PRKN: variants seen among roughly 807,000 people sequenced by gnomAD.
PRKN encodes the protein E3 ubiquitin-protein ligase parkin.
In PRKN, 56 loss-of-function variants were observed where a neutral mutation model predicts 59.5. The observed-to-expected ratio is 0.94, with a 90% CI of 0.76 to 1.18. PRKN has a LOEUF of 1.18. Ranked by LOEUF, PRKN falls within the 50% of genes most tolerant of loss-of-function variation. The probability of loss-of-function intolerance (pLI) is 0.00; values close to 1 mark genes in which losing one functional copy is unlikely to be tolerated. For synonymous variants in PRKN, 250 were observed against 222.1 expected, an observed-to-expected ratio of 1.13 and a Z score of -1.12; for missense variants, 657 against 596.4, an observed-to-expected ratio of 1.10 and a Z score of -1.06.
At chr6:162,481,756 A>T (rs59528012) in intron 1 of PRKN, among the ~76,000 whole-genome samples, 12,054 of 152,220 alleles carry the variant, frequency 0.079, 1,405 homozygotes, top group African/African-American at 0.26. Flanking sequence ...GCACTACCTT[A>T]AAAGTCAAAG....
rs1554245468 is a variant in PRKN at position 161,902,561 on chromosome 6, TTTA to T, written c.734+70738_734+70740del. ...ATCTATCTATCTATTTATTTATTTA[TTTA>T]TTTTTTTTTTTTTGCGACAGAGTCT... On this transcript the variant is annotated intron_variant, in intron 6 of 11. Transcript: ENST00000366898. 1.6e-3 allele frequency among the ~76,000 whole-genome samples: 201 copies of T among 127,990 alleles called. 1 individual carries two copies. The highest frequency in any genetic ancestry group is 8.4e-3 in the East Asian group (37 of 4,414). 84.0% of individuals were successfully genotyped at this position (127,990 alleles called of 152,430 possible).
At chr6:162,492,852 C>T (rs1792880057) in intron 1 of PRKN, among the ~76,000 whole-genome samples, 1 of 150,440 alleles carries the variant, frequency 6.6e-6, no homozygotes, top group Non-Finnish European at 1.5e-5. Context: ...ACCCAGGAGG[C>T]TAAGGCAGGA....
At chr6:162,089,805 C>G (rs181121337) in intron 4 of PRKN, among the ~76,000 whole-genome samples, 5 of 152,242 alleles carry the variant, frequency 3.3e-5, no homozygotes, top group Admixed American at 3.3e-4. Flanking sequence ...TTACATGTTT[C>G]CATTTAAATA....
At chr6:162,215,421 C>A in intron 3 of PRKN, among the ~76,000 whole-genome samples, 1 of 152,158 alleles carries the variant, frequency 6.6e-6, no homozygotes, top group East Asian at 1.9e-4. Context: ...GAGGAATGTT[C>A]TTCCAGGCCC....
intron 9 of PRKN, among the ~76,000 whole-genome samples, chr6:161,392,159 G>T (rs560037987): frequency 2.0e-5 from 3 of 151,838 alleles, no homozygotes; most frequent in Admixed American, 6.6e-5. Context: ...AGCTGGTCTC[G>T]AACCCTGACC....
At chr6:162,629,310 A>G (rs1783013205) in intron 1 of PRKN, among the ~76,000 whole-genome samples, 2 of 152,170 alleles carry the variant, frequency 1.3e-5, no homozygotes, top group African/African-American at 2.4e-5. Flanking sequence ...TAACTAATAC[A>G]TAATGCTTGA....
intron 7 of PRKN, among the ~76,000 whole-genome samples, chr6:161,687,748 G>A (rs1243181559): frequency 3.3e-5 from 5 of 151,968 alleles, no homozygotes; most frequent in African/African-American, 4.8e-5. Flanking sequence ...GAGCCACCGC[G>A]CCGGGCCAAG....
At chr6:161,630,945 C>A (rs1212778909) in intron 7 of PRKN, among the ~76,000 whole-genome samples, 2 of 152,206 alleles carry the variant, frequency 1.3e-5, no homozygotes, top group Non-Finnish European at 2.9e-5. Flanking sequence ...AGGATACAGA[C>A]AAAAACAATC....
chr6:161,704,344 G>A (rs1478050614), intron 7 of PRKN, among the ~76,000 whole-genome samples: 1 of 152,008 alleles, frequency 6.6e-6, no homozygotes, highest in Non-Finnish European at 1.5e-5. Flanking sequence ...TTGGTCATCC[G>A]CTCAGCTAAC....
At chr6:162,696,673 A>G (rs1777982619) in intron 1 of PRKN, among the ~76,000 whole-genome samples, 1 of 148,604 alleles carries the variant, frequency 6.7e-6, no homozygotes, top group Admixed American at 6.9e-5. Context: ...CCTCCCAAGC[A>G]GCAGGGACTA....
intron 9 of PRKN, among the ~76,000 whole-genome samples, chr6:161,521,178 G>A (rs1054713462): frequency 6.6e-6 from 1 of 151,434 alleles, no homozygotes; most frequent in East Asian, 1.9e-4. Flanking sequence ...GGTTGATGAA[G>A]CAGGAGACTT....
intron 6 of PRKN, among the ~76,000 whole-genome samples, chr6:161,791,015 G>A (rs1790615892): frequency 6.6e-6 from 1 of 152,072 alleles, no homozygotes; most frequent in African/African-American, 2.4e-5. Context: ...ATCCTCTCAT[G>A]GGTCTTTTGT....
intron 10 of PRKN, among the ~76,000 whole-genome samples, chr6:161,368,107 C>A (rs1349161687): frequency 6.6e-6 from 1 of 151,442 alleles, no homozygotes; most frequent in African/African-American, 2.4e-5. Flanking sequence ...TGGAAGTCCC[C>A]GGGGACTTTT....
Position 161,379,271 on chromosome 6 carries a change from C to T in PRKN, c.1167+7523G>A, listed in dbSNP as rs1025069530. On this transcript the variant is annotated intron_variant, in intron 10 of 11. Coordinates refer to ENST00000366898, the MANE Select transcript of PRKN (RefSeq NM_004562.3). The surrounding 1 kb of genome is among the most constrained non-coding windows in gnomAD (Gnocchi z 4.9). ...CAGGGATGATGTCTGTGTCACCCCA[C>T]CAGGTAAGCCACCTAGAGGTCTTCT... Among the ~76,000 whole-genome samples the T allele has an allele frequency of 6.6e-6, 1 of 152,098 alleles. No homozygotes were observed. The highest frequency in any genetic ancestry group is 2.4e-5 in the African/African-American group (1 of 41,408).
chr6:161,818,638 T>A (rs1017237508), intron 6 of PRKN, among the ~76,000 whole-genome samples: 2 of 152,038 alleles, frequency 1.3e-5, no homozygotes, highest in Admixed American at 6.6e-5. Flanking sequence ...CAGCCCCTAG[T>A]CACTTTCAAA....
chr6:162,585,764 G>A (rs1402560795), intron 1 of PRKN, among the ~76,000 whole-genome samples: 1 of 151,954 alleles, frequency 6.6e-6, no homozygotes, highest in Non-Finnish European at 1.5e-5. Context: ...GTGCAATGGT[G>A]TGATCTCGGC....
At chr6:161,515,223 T>G (rs1221435393) in intron 9 of PRKN, among the ~76,000 whole-genome samples, 1 of 152,174 alleles carries the variant, frequency 6.6e-6, no homozygotes, top group Non-Finnish European at 1.5e-5. Flanking sequence ...GAAATCAGCA[T>G]CCAACTGTTT....
intron 3 of PRKN, among the ~76,000 whole-genome samples, chr6:162,235,697 G>A (rs947480098): frequency 2.6e-5 from 4 of 151,842 alleles, no homozygotes; most frequent in African/African-American, 9.7e-5. Context: ...CAGCTACTCG[G>A]AAGGCTGAGG....
At chr6:161,811,643 C>T (rs1791565566) in intron 6 of PRKN, among the ~76,000 whole-genome samples, 1 of 152,168 alleles carries the variant, frequency 6.6e-6, no homozygotes, top group Non-Finnish European at 1.5e-5. Flanking sequence ...CTAGAAGGGG[C>T]CGGGCACGGT....
Sources: allele counts gnomAD v4.1 joint callset (sites outside exome capture counted in the v4.1 genomes callset), GRCh38; gene constraint gnomAD v4.1.1; non-coding constraint Gnocchi (gnomAD v3.1); transcripts MANE v1.5; gene names NCBI Gene and HGNC (gene_info 2026-07-23, HGNC 2026-07-21).